The following CDH18 variants were observed in gnomAD, a reference collection of about 807,000 sequenced individuals.
The protein encoded by CDH18 is cadherin-18.
In CDH18, 31 loss-of-function variants were observed where a neutral mutation model predicts 67.9. The ratio of observed to expected loss-of-function variants is 0.46; its 90% CI spans 0.34 to 0.62. CDH18 has a LOEUF of 0.62. Ranked by LOEUF, CDH18 falls within the 20% of genes least tolerant of loss-of-function variation. The pLI, the probability that CDH18 is intolerant of heterozygous loss-of-function variation, is 0.01. For missense variants in CDH18, 890 were observed against 975.5 expected, an observed-to-expected ratio of 0.91 and a Z score of 1.17; for synonymous variants, 362 against 347.2, an observed-to-expected ratio of 1.04 and a Z score of -0.48.
chr5:20,206,870 T>A (rs1268387031), intron 2 of CDH18, among the ~76,000 whole-genome samples: 1 of 151,992 alleles, frequency 6.6e-6, no homozygotes, highest in South Asian at 2.1e-4. Context: ...AGGTCATATA[T>A]GAGAACCCCA....
chr5:20,148,456 T>C lies in CDH18; in HGVS notation c.-518+106988A>G, dbSNP rs78503514. 5.9e-3 allele frequency among the ~76,000 whole-genome samples: 904 copies of C among 152,174 alleles called. 30 individuals are homozygous for C. The highest frequency in any genetic ancestry group is 0.05 in the East Asian group (258 of 5,170). ...TTAGAGAAAAACAAAAGTAAAAATA[T>C]TTTGATTCTAAAAATCTAAGCAATT... On this transcript the variant is annotated intron_variant, in intron 2 of 14. Transcript: ENST00000507958.
At chr5:20,442,185 A>G (rs1320805577) in intron 1 of CDH18, among the ~76,000 whole-genome samples, 1 of 151,876 alleles carries the variant, frequency 6.6e-6, no homozygotes, top group Non-Finnish European at 1.5e-5. Context: ...CGGTTGGCTT[A>G]CCACTGCAAT....
intron 10 of CDH18, among the ~76,000 whole-genome samples, chr5:19,517,021 G>C (rs908367893): frequency 2.6e-5 from 4 of 151,902 alleles, no homozygotes; most frequent in Admixed American, 6.6e-5. Flanking sequence ...TGAATTTTAT[G>C]GTAGCTGCAT....
In CDH18 at chr5:20,485,963, G is replaced by A. The variant is rs549341679; in HGVS notation, c.-580+89499C>T. On this transcript the variant is annotated intron_variant, in intron 1 of 14. Coordinates refer to the CDH18 transcript ENST00000507958. The stretch of plus-strand genomic sequence containing the variant: ...AAGAAGTGATGGAATAGGCTCCATG[G>A]GGTCATGTGGGCTTCCTTTTGCAAC... Among the ~76,000 whole-genome samples the A allele has an allele frequency of 9.2e-5, 14 of 152,278 alleles. No homozygotes were observed. In the South Asian group the frequency reaches 2.7e-3, roughly 29 times the overall value.
intron 2 of CDH18, among the ~76,000 whole-genome samples, chr5:20,161,203 A>G (rs1423383798): frequency 6.6e-6 from 1 of 152,224 alleles, no homozygotes; most frequent in African/African-American, 2.4e-5. Flanking sequence ...TCCATGTGAC[A>G]TAGCTAAAGT....
chr5:19,965,956 T>C (rs2150319164), intron 2 of CDH18, among the ~76,000 whole-genome samples: 1 of 152,286 alleles, frequency 6.6e-6, no homozygotes, highest in Admixed American at 6.5e-5. Context: ...TGCTTTTCTT[T>C]TACTACAATG....
In CDH18 at chr5:19,961,268, G is replaced by A. The variant is rs143463440; in HGVS notation, c.-257+19792C>T. Among the ~76,000 whole-genome samples, 307 of 151,452 alleles carry A rather than the reference G, an allele frequency of 2.0e-3. 2 individuals carry two copies. The highest frequency in any genetic ancestry group is 7.0e-3 in the African/African-American group (288 of 41,248). On this transcript the variant is annotated intron_variant, in intron 2 of 12. Coordinates refer to ENST00000382275, the MANE Select transcript of CDH18 (RefSeq NM_004934.5). ...CAGGCGCACACCACAACACCAGCAC[G>A]CTAATTTGTTTTGTATTTTTAGTAG...
chr5:19,480,428 G>A (rs1224204213), intron 12 of CDH18, among the ~76,000 whole-genome samples: 1 of 150,994 alleles, frequency 6.6e-6, no homozygotes, highest in Non-Finnish European at 1.5e-5. Context: ...CCAGGCTGGA[G>A]TGCAGTGGCG....
intron 2 of CDH18, among the ~76,000 whole-genome samples, chr5:20,221,840 T>A (rs1425323927): frequency 6.6e-6 from 1 of 152,156 alleles, no homozygotes; most frequent in African/African-American, 2.4e-5. Context: ...CATAACCTTT[T>A]CCAGGACCTT....
At chr5:20,328,508 T>TGTGTGAGAGAGAGAGAGAGAGA (rs1491143591) in intron 1 of CDH18, among the ~76,000 whole-genome samples, 1 of 112,104 alleles carries the variant, frequency 8.9e-6, no homozygotes, top group African/African-American at 2.9e-5. Context: ...TGTGTGTGTG[T>TGTGTGAGAGAGAGAGAGAGAGA]GAGAGAGAGA....
At chr5:19,830,719 T>C (rs1780922841) in intron 3 of CDH18, among the ~76,000 whole-genome samples, 1 of 152,098 alleles carries the variant, frequency 6.6e-6, no homozygotes, top group Admixed American at 6.6e-5. Flanking sequence ...CATCCTACTA[T>C]AACCACACAT....
intron 5 of CDH18, among the ~76,000 whole-genome samples, chr5:19,699,546 C>T (rs754177224): frequency 1.3e-4 from 20 of 151,830 alleles, no homozygotes; most frequent in African/African-American, 1.9e-4. Flanking sequence ...TAAGCCCTCA[C>T]GAATGGGATC....
At chr5:20,454,114 G>T (rs1455242520) in intron 1 of CDH18, among the ~76,000 whole-genome samples, 1 of 152,068 alleles carries the variant, frequency 6.6e-6, no homozygotes, top group East Asian at 1.9e-4. Context: ...ACTTCAGCTA[G>T]CAAATTTGCC....
chr5:19,603,744 G>C (rs1328694558), intron 6 of CDH18, among the ~76,000 whole-genome samples: 1 of 150,448 alleles, frequency 6.6e-6, no homozygotes, highest in Non-Finnish European at 1.5e-5. Flanking sequence ...GATTTTCTGA[G>C]ATATGAGGTA....
chr5:19,627,444 T>C (rs1751714753), intron 5 of CDH18, among the ~76,000 whole-genome samples: 1 of 152,196 alleles, frequency 6.6e-6, no homozygotes, highest in African/African-American at 2.4e-5. Flanking sequence ...AATCAGATAG[T>C]AATCAAGCAT....
intron 7 of CDH18, among the ~76,000 whole-genome samples, chr5:19,576,179 T>A (rs1365366962): frequency 1.3e-5 from 2 of 152,054 alleles, no homozygotes; most frequent in East Asian, 1.9e-4. Flanking sequence ...TTCATGACAT[T>A]GTTCTAGGCT....
chr5:20,488,700 T>TATATATACAC (rs369185147), intron 1 of CDH18, among the ~76,000 whole-genome samples: 2 of 137,308 alleles, frequency 1.5e-5, no homozygotes, highest in African/African-American at 5.4e-5. Context: ...TATATATATA[T>TATATATACAC]ACACACACAT....
chr5:19,641,089 A>G (rs2150224464), intron 5 of CDH18, among the ~76,000 whole-genome samples: 1 of 151,824 alleles, frequency 6.6e-6, no homozygotes, highest in South Asian at 2.1e-4. Flanking sequence ...GATAATCCAG[A>G]AGAAATGAAA....
At chr5:19,605,151 C>T (rs962270706) in intron 6 of CDH18, among the ~76,000 whole-genome samples, 4 of 151,790 alleles carry the variant, frequency 2.6e-5, no homozygotes, top group African/African-American at 9.7e-5. Context: ...AGATTAAAAA[C>T]AAACCGTAAT....
Sources: gnomAD v4.1 joint callset for allele counts (sites outside exome capture counted in the v4.1 genomes callset) on GRCh38, gnomAD v4.1.1 for gene constraint, MANE v1.5 for transcripts, NCBI Gene and HGNC (gene_info 2026-07-23, HGNC 2026-07-21) for gene names.